Variants in RAB2A observed in about 807,000 individuals in gnomAD.
RAB2A encodes RAB2A, member RAS oncogene family.
RAB2A carries 7 observed loss-of-function variants against 32.5 expected under a neutral mutation model. The observed-to-expected ratio is 0.22, with a 90% CI of 0.12 to 0.40. RAB2A has a LOEUF of 0.40. RAB2A is among the 10% of genes least tolerant of loss of function. The pLI, the probability that RAB2A is intolerant of heterozygous loss-of-function variation, is 1.00. For synonymous variants in RAB2A, 79 were observed against 85.2 expected (o/e 0.93, Z 0.40); for missense variants, 108 against 260.7 (o/e 0.41, Z 4.03).
At chr8:60,596,899 C>T (rs1023046726) in intron 6 of RAB2A, among the ~76,000 whole-genome samples, 8 of 151,956 alleles carry the variant, frequency 5.3e-5, no homozygotes, top group South Asian at 2.1e-4. Flanking sequence ...CCAGCCTCGG[C>T]GACAGAGTGA....
At chr8:60,591,469 A>G (rs80267957) in intron 5 of RAB2A, among the ~76,000 whole-genome samples, 129 of 152,316 alleles carry the variant, frequency 8.5e-4, no homozygotes, top group African/African-American at 2.9e-3. Context: ...AATCACATTC[A>G]TAGAAACTCA....
At chr8:60,609,096 AC>A (rs1054556993) in intron 6 of RAB2A, among the ~76,000 whole-genome samples, 4 of 151,724 alleles carry the variant, frequency 2.6e-5, no homozygotes, top group African/African-American at 9.7e-5. Context: ...TCAGCATCAA[AC>A]TCCTTAGCTT....
At chr8:60,571,992 A>T in intron 2 of RAB2A, 54 bp from the exon 3 acceptor site, 3 of 1,292,818 alleles carry the variant, frequency 2.3e-6, no homozygotes. Flanking sequence ...TAATCCTTGA[A>T]AGTGAGATAT....
intron 1 of RAB2A, among the ~76,000 whole-genome samples, chr8:60,540,503 A>T (rs1459146605): frequency 2.0e-5 from 3 of 152,054 alleles, no homozygotes; most frequent in Non-Finnish European, 4.4e-5. Context: ...TCTTTTTGAG[A>T]CAGTCTCTCT....
At position 60,572,082 on chromosome 8, in the gene RAB2A, G is replaced by A; in HGVS notation, c.155G>A (p.Gly52Glu). ...EFGARMITID[G>E]KQIKLQIWDT... ...GGTGCTCGAATGATAACTATTGATG[G>A]GAAACAGATAAAACTTCAGATATGG... Residue 52 changes from glycine (G) to glutamate (E), a missense_variant, in exon 3 of 8, where the codon GGG (glycine) becomes GAG (glutamate). Gly to Glu is a moderately conservative substitution (Grantham distance 98). Transcript: ENST00000262646. The A allele has an allele frequency of 1.2e-6, 2 of 1,608,432 alleles. No homozygotes were observed. Among genetic ancestry groups the A allele is most frequent in the Non-Finnish European group, 1.7e-6 (2 of 1,176,392 alleles).
At chr8:60,607,233 T>C (rs1340176135) in intron 6 of RAB2A, among the ~76,000 whole-genome samples, 1 of 148,606 alleles carries the variant, frequency 6.7e-6, no homozygotes, top group Non-Finnish European at 1.5e-5. Context: ...ATCGAGACCA[T>C]CCTGGCTAAC....
intron 1 of RAB2A, among the ~76,000 whole-genome samples, chr8:60,551,508 C>T (rs898429396): frequency 1.8e-4 from 28 of 152,324 alleles, no homozygotes; most frequent in African/African-American, 6.7e-4. Context: ...TTAATGTTCT[C>T]AAGTATCCTA....
intron 1 of RAB2A, among the ~76,000 whole-genome samples, chr8:60,544,223 A>G (rs1807692044): frequency 6.6e-6 from 1 of 151,148 alleles, no homozygotes; most frequent in Non-Finnish European, 1.5e-5. Context: ...TATTTTTAGT[A>G]GAGACAGGGT....
chr8:60,589,793 G>C (rs202019377), intron 5 of RAB2A, among the ~76,000 whole-genome samples: 8 of 151,934 alleles, frequency 5.3e-5, no homozygotes, highest in African/African-American at 1.9e-4. Context: ...TTTTTGATTT[G>C]ACCTATAGTA....
At chr8:60,553,082 T>C (rs1415056971) in intron 1 of RAB2A, 1 of 152,156 alleles carries the variant, frequency 6.6e-6, no homozygotes, top group Non-Finnish European at 1.5e-5. Flanking sequence ...GATAATAAGA[T>C]AGGCGTTGAA....
chr8:60,569,252 T>C lies in RAB2A; in HGVS notation c.119-2794T>C, dbSNP rs552902903. On this transcript the variant is annotated intron_variant, in intron 2 of 7. Coordinates refer to ENST00000262646, the MANE Select transcript of RAB2A (RefSeq NM_002865.3). Reference sequence around the variant, plus strand: ...CATTTTTTAATCTCATGACTAAATATAATACAATAGCCTTTTAACTGGTCT... The same window carrying C: ...CATTTTTTAATCTCATGACTAAATACAATACAATAGCCTTTTAACTGGTCT... Among the ~76,000 whole-genome samples, 33 of 152,354 alleles carry C rather than the reference T, an allele frequency of 2.2e-4. 2 individuals carry two copies. In the South Asian group the frequency reaches 6.6e-3, roughly 31 times the overall value.
rs533211242 is a variant in RAB2A at position 60,549,425 on chromosome 8, G to A, written c.47-9427G>A. 5.0e-3 allele frequency among the ~76,000 whole-genome samples: 761 copies of A among 151,962 alleles called. 3 individuals carry two copies. Among genetic ancestry groups the A allele is most frequent in the Non-Finnish European group, 6.9e-3 (466 of 67,988 alleles). ...GGCCGAGGCTGGCGGATCACTCGCG[G>A]TTAGGAGCTGGAGACCAGCCCGGCC... On this transcript the variant is annotated intron_variant, in intron 1 of 7. Transcript: ENST00000262646.
At chr8:60,589,307 G>A (rs1054904803) in intron 5 of RAB2A, among the ~76,000 whole-genome samples, 4 of 152,192 alleles carry the variant, frequency 2.6e-5, no homozygotes, top group South Asian at 2.1e-4. Context: ...TCTGATGATC[G>A]TAGGTGGGTG....
chr8:60,590,095 G>A (rs191198896), intron 5 of RAB2A, among the ~76,000 whole-genome samples: 108 of 151,960 alleles, frequency 7.1e-4, no homozygotes, highest in Middle Eastern at 3.4e-3. Context: ...CTGAGTAGCT[G>A]GGATTACAGG....
chr8:60,523,949 A>G (rs1807340794), intron 1 of RAB2A, among the ~76,000 whole-genome samples: 1 of 152,000 alleles, frequency 6.6e-6, no homozygotes, highest in Admixed American at 6.6e-5. Flanking sequence ...CTCGGCCTCC[A>G]AATTTTTGCT....
chr8:60,545,040 T>G (rs1021307081), intron 1 of RAB2A, among the ~76,000 whole-genome samples: 2 of 152,072 alleles, frequency 1.3e-5, no homozygotes, highest in African/African-American at 4.8e-5. Flanking sequence ...CCACCATGCC[T>G]GACTTGCGTT....
intron 6 of RAB2A, among the ~76,000 whole-genome samples, chr8:60,596,211 A>G (rs1233638886): frequency 1.3e-5 from 2 of 152,306 alleles, no homozygotes; most frequent in South Asian, 4.1e-4. Flanking sequence ...GAAAACCTAG[A>G]CAATACCATT....
chr8:60,553,729 C>T (rs1305429756), intron 1 of RAB2A, among the ~76,000 whole-genome samples: 1 of 152,166 alleles, frequency 6.6e-6, no homozygotes, highest in Non-Finnish European at 1.5e-5. Context: ...AGCTGGGATT[C>T]TAATCAGGGT....
At chr8:60,546,762 A>G (rs1457168872) in intron 1 of RAB2A, among the ~76,000 whole-genome samples, 1 of 152,204 alleles carries the variant, frequency 6.6e-6, no homozygotes, top group Non-Finnish European at 1.5e-5. Context: ...GCAAAGGCCA[A>G]GTAGTTTTTC....
Sources: gnomAD v4.1 joint callset for allele counts (sites outside exome capture counted in the v4.1 genomes callset) on GRCh38, gnomAD v4.1.1 for gene constraint, MANE v1.5 for transcripts, NCBI Gene and HGNC (gene_info 2026-07-23, HGNC 2026-07-21) for gene names.